Variants in CCDC28A observed in about 807,000 individuals in gnomAD.
CCDC28A encodes the protein coiled-coil domain-containing protein 28A.
CCDC28A carries 24 observed loss-of-function variants against 22.1 expected under a neutral mutation model. The ratio of observed to expected loss-of-function variants is 1.09; its 90% CI spans 0.79 to 1.53. CCDC28A has a LOEUF of 1.53. Ranked by LOEUF, CCDC28A falls within the 40% of genes most tolerant of loss-of-function variation. The pLI, the probability that CCDC28A is intolerant of heterozygous loss-of-function variation, is 0.00. For synonymous variants in CCDC28A, 83 were observed against 74.7 expected (o/e 1.11, Z -0.57); for missense variants, 170 against 210.7 (o/e 0.81, Z 1.20).
chr6:138,776,698 T>A (rs1016847995), intron 2 of CCDC28A, among the ~76,000 whole-genome samples: 4 of 151,690 alleles, frequency 2.6e-5, no homozygotes, highest in Non-Finnish European at 2.9e-5. Flanking sequence ...ATATATATAT[T>A]TTTAAATATG....
chr6:138,786,624 T>G (rs1253134623), intron 4 of CCDC28A, among the ~76,000 whole-genome samples: 1 of 152,194 alleles, frequency 6.6e-6, no homozygotes, highest in African/African-American at 2.4e-5. Flanking sequence ...GTTCATGGTT[T>G]GTTTTTTTGA....
At chr6:138,775,078 T>G (rs1774907357) in intron 1 of CCDC28A, among the ~76,000 whole-genome samples, 1 of 152,244 alleles carries the variant, frequency 6.6e-6, no homozygotes, top group African/African-American at 2.4e-5. Flanking sequence ...TAGCTGGGAC[T>G]ACAGGCGCCC....
Position 138,784,343 on chromosome 6 carries a change from TTCTC to T in CCDC28A, c.323-882_323-879del, listed in dbSNP as rs59494991. 2.7e-5 allele frequency among the ~76,000 whole-genome samples: 3 copies of T among 109,642 alleles called. 1 individual carries two copies. Among genetic ancestry groups the T allele is most frequent in the Non-Finnish European group, 3.6e-5 (2 of 55,464 alleles). The allele number at this position is 109,642 out of a possible 152,430, so 71.9% of individuals were successfully genotyped here. On this transcript the variant is annotated intron_variant, in intron 3 of 5. Transcript: ENST00000617445. ...TCTCTACTTAAGGGACGATTTTCTT[TTCTC>T]TTTTTCTTTTTTTTTTTTTTTGAGA... is the stretch of plus-strand genomic sequence containing the variant.
chr6:138,781,005 A>T (rs557639386), intron 3 of CCDC28A, among the ~76,000 whole-genome samples: 1 of 152,312 alleles, frequency 6.6e-6, no homozygotes, highest in Admixed American at 6.5e-5. Context: ...TTGATTTTTT[A>T]AAGTATTCTT....
intron 3 of CCDC28A, among the ~76,000 whole-genome samples, chr6:138,781,513 G>A (rs951807845): frequency 2.1e-4 from 32 of 152,230 alleles, no homozygotes; most frequent in South Asian, 1.2e-3. Context: ...GAACAATACC[G>A]CACTTCTAGG....
intron 5 of CCDC28A, among the ~76,000 whole-genome samples, chr6:138,791,247 T>G (rs1775164290): frequency 9.6e-6 from 1 of 104,164 alleles, no homozygotes; most frequent in African/African-American, 2.8e-5. Context: ...TGCCCAGCTA[T>G]TTTTTTTTTT....
Position 138,792,729 on chromosome 6 carries a change from T to A in CCDC28A, c.501-20T>A. The A allele has an allele frequency of 6.5e-7, 1 of 1,537,312 alleles. No individual in the cohort carries two copies. ...AAGTACCCCTTATAGAATGAAAATCTTCTTAACTGATTAATTCAGACAAAA... is the reference window on the plus strand; with the variant it reads ...AAGTACCCCTTATAGAATGAAAATCATCTTAACTGATTAATTCAGACAAAA... On this transcript the variant is annotated intron_variant, in intron 5 of 5. Coordinates refer to ENST00000617445, the MANE Select transcript of CCDC28A (RefSeq NM_015439.3).
chr6:138,775,937 A>G (rs1774924020), intron 1 of CCDC28A, 142 bp from the exon 2 acceptor site: 2 of 665,952 alleles, frequency 3.0e-6, no homozygotes, highest in Admixed American at 5.4e-5. Context: ...AGTACATTAA[A>G]CTTAAGAGAC....
chr6:138,781,188 C>T (rs930373169), intron 3 of CCDC28A, among the ~76,000 whole-genome samples: 6 of 152,084 alleles, frequency 3.9e-5, no homozygotes, highest in Non-Finnish European at 5.9e-5. Context: ...TCTTGCTTTC[C>T]TGCACTAAAG....
intron 3 of CCDC28A, among the ~76,000 whole-genome samples, chr6:138,780,573 T>G (rs78540033): frequency 1.9e-5 from 1 of 53,902 alleles, no homozygotes; most frequent in African/African-American, 1.5e-4. Flanking sequence ...TATTTCCCAA[T>G]TTTTTTTTTT....
chr6:138,785,430 G>GA (rs1562440513), intron 4 of CCDC28A, 49 bp downstream of exon 4: 3 of 1,384,410 alleles, frequency 2.2e-6, no homozygotes, highest in Non-Finnish European at 3.0e-6. Context: ...TTTTTGTTGC[G>GA]AAAAAATGTA....
intron 5 of CCDC28A, among the ~76,000 whole-genome samples, chr6:138,790,100 T>C (rs1237391459): frequency 6.6e-6 from 1 of 152,180 alleles, no homozygotes; most frequent in East Asian, 1.9e-4. Context: ...ATGCTTTATA[T>C]TCTTTCTCTG....
Position 138,781,153 on chromosome 6 carries a change from C to A in CCDC28A, c.322+1168C>A, listed in dbSNP as rs114391821. Among the ~76,000 whole-genome samples, 224 of 152,202 alleles carry A rather than the reference C, an allele frequency of 1.5e-3. 1 individual carries two copies. Among genetic ancestry groups the A allele is most frequent in the African/African-American group, 4.9e-3 (204 of 41,540 alleles). ...ATATTTTTATTTTCATTATTTAATA[C>A]AAATGGTATACAAGATATTCTGTGT... is the stretch of plus-strand genomic sequence containing the variant. On this transcript the variant is annotated intron_variant, in intron 3 of 5. Transcript: ENST00000617445.
rs1774881294 is a variant in CCDC28A at position 138,773,904 on chromosome 6, T to C, written c.-43+2T>C. ...GGCCCCAATACCCTTCTTCTTCAGG[T>C]ATGTAGTGGAAGCAAAGGAACCTCC... On this transcript the variant is annotated splice_donor_variant, in intron 1 of 5. Coordinates refer to ENST00000617445, the MANE Select transcript of CCDC28A (RefSeq NM_015439.3). LOFTEE classifies it low-confidence loss of function (5UTR_SPLICE). 1.2e-6 allele frequency: 2 copies of C among 1,612,278 alleles called. No homozygotes were observed. Among genetic ancestry groups the C allele is most frequent in the Non-Finnish European group, 1.7e-6 (2 of 1,179,960 alleles).
chr6:138,779,127 C>T (rs1196290792), intron 2 of CCDC28A, among the ~76,000 whole-genome samples: 2 of 152,078 alleles, frequency 1.3e-5, no homozygotes, highest in African/African-American at 4.8e-5. Context: ...TGGAAATGGA[C>T]TTGGCTGCCC....
chr6:138,783,737 C>A (rs1481393775), intron 3 of CCDC28A, among the ~76,000 whole-genome samples: 2 of 151,278 alleles, frequency 1.3e-5, no homozygotes, highest in African/African-American at 4.9e-5. Context: ...CGCGCCTGGC[C>A]TTGTATTTTT....
intron 5 of CCDC28A, among the ~76,000 whole-genome samples, 180 bp downstream of exon 5, chr6:138,788,568 CTTTTTT>C (rs3070099): frequency 3.2e-5 from 3 of 92,986 alleles, no homozygotes; most frequent in African/African-American, 1.5e-4. Context: ...TTTTTCTTTT[CTTTTTT>C]TTTTTTTTTT....
intron 3 of CCDC28A, among the ~76,000 whole-genome samples, chr6:138,782,294 T>A (rs1265612846): frequency 2.6e-5 from 4 of 152,202 alleles, no homozygotes; most frequent in African/African-American, 9.7e-5. Context: ...TAATTTATAT[T>A]TTTCTGTCTC....
chr6:138,792,966 G>A lies in CCDC28A; in HGVS notation c.*163G>A, dbSNP rs996666395. The stretch of plus-strand genomic sequence containing the variant: ...TTACTGCTTTTAGTAAATGTGACTC[G>A]CTGTAATTCACCATAACTGGAGGCC... On this transcript the variant is annotated 3_prime_UTR_variant, in exon 6 of 6. Coordinates refer to ENST00000617445, the MANE Select transcript of CCDC28A (RefSeq NM_015439.3). 2.8e-5 allele frequency: 17 copies of A among 604,750 alleles called. No individual in the cohort carries two copies. The highest frequency in any genetic ancestry group is 4.1e-5 in the Non-Finnish European group (14 of 338,500). The allele number at this position is 604,750 out of a possible 1,614,324, so 37.5% of individuals were successfully genotyped here. A position where few individuals can be genotyped will look rare whatever the true frequency, so the allele number is the denominator to read the frequency against.
Sources: gnomAD v4.1 joint callset for allele counts (sites outside exome capture counted in the v4.1 genomes callset) on GRCh38, gnomAD v4.1.1 for gene constraint, MANE v1.5 for transcripts, NCBI Gene and HGNC (gene_info 2026-07-23, HGNC 2026-07-21) for gene names.